Variants in ITCH observed in about 807,000 individuals in gnomAD.
The protein encoded by ITCH is itchy E3 ubiquitin protein ligase.
ITCH carries 28 observed loss-of-function variants against 126.8 expected under a neutral mutation model. That is an observed-to-expected ratio of 0.22 (90% CI 0.16 to 0.30). The LOEUF (loss-of-function observed/expected upper bound fraction) is 0.30. Ranked by LOEUF, ITCH falls within the 10% of genes least tolerant of loss-of-function variation. The pLI is 1.00. For missense variants in ITCH, 631 were observed against 1,032.4 expected (o/e 0.61, Z 5.33); for synonymous variants, 342 against 340.0 (o/e 1.01, Z -0.06).
intron 2 of ITCH, among the ~76,000 whole-genome samples, chr20:34,371,413 A>G (rs2037626080): frequency 6.9e-6 from 1 of 145,938 alleles, no homozygotes; most frequent in African/African-American, 2.6e-5. Flanking sequence ...AGTAGCTGGG[A>G]CTCGGGAGGC....
intron 22 of ITCH, among the ~76,000 whole-genome samples, chr20:34,491,063 CCAT>C (rs1298946336): frequency 6.6e-6 from 1 of 152,052 alleles, no homozygotes; most frequent in Non-Finnish European, 1.5e-5. Flanking sequence ...CACAACTTAC[CCAT>C]TGTAAAGTTG....
intron 11 of ITCH, among the ~76,000 whole-genome samples, chr20:34,447,024 C>T (rs1306906006): frequency 2.0e-5 from 3 of 152,096 alleles, no homozygotes; most frequent in Admixed American, 1.3e-4. Context: ...TTCATATTCA[C>T]CTCTGTATAT....
At chr20:34,484,940 CT>C (rs1324976744) in intron 20 of ITCH, among the ~76,000 whole-genome samples, 2 of 152,182 alleles carry the variant, frequency 1.3e-5, no homozygotes, top group African/African-American at 4.8e-5. Flanking sequence ...CAATGCACAC[CT>C]CCCTTCTCCC....
At position 34,511,164 on chromosome 20, in the gene ITCH, G is replaced by C. The variant is rs1207612366; in HGVS notation, c.*3370G>C. 2 of 151,790 alleles carry C rather than the reference G, an allele frequency of 1.3e-5. No individual in the cohort carries two copies. Among genetic ancestry groups the C allele is most frequent in the Non-Finnish European group, 2.9e-5 (2 of 67,950 alleles). The allele number at this position is 151,790 out of a possible 1,614,324, so 9.4% of individuals were successfully genotyped here. ...TGTTTTTCTTTTAGTTATTTACTTT[G>C]TTTGTATAATTTGCTTTCATTAACT... On this transcript the variant is annotated 3_prime_UTR_variant, in exon 25 of 25. Transcript: ENST00000374864.
chr20:34,477,252 C>T (rs1233815225), intron 16 of ITCH, among the ~76,000 whole-genome samples: 1 of 152,126 alleles, frequency 6.6e-6, no homozygotes, highest in Non-Finnish European at 1.5e-5. Context: ...AAATCACGGC[C>T]GGGCATGATG....
At chr20:34,459,867 A>G (rs1986349125) in intron 13 of ITCH, among the ~76,000 whole-genome samples, 1 of 152,236 alleles carries the variant, frequency 6.6e-6, no homozygotes, top group South Asian at 2.1e-4. Flanking sequence ...TTCAGTTTCC[A>G]TAAAGGAAGA....
At chr20:34,449,233 GT>G (rs199577227) in intron 11 of ITCH, among the ~76,000 whole-genome samples, 177 bp from the exon 12 acceptor site, 3 of 151,810 alleles carry the variant, frequency 2.0e-5, no homozygotes, top group South Asian at 2.1e-4. Flanking sequence ...GTTTGCACCG[GT>G]TTTTTTTAAA....
chr20:34,414,001 G>C (rs1222336670), intron 6 of ITCH, 122 bp downstream of exon 6: 1 of 841,668 alleles, frequency 1.2e-6, no homozygotes, highest in Non-Finnish European at 1.8e-6. Context: ...TTTTCTGGCC[G>C]GTGTGGTGGC....
chr20:34,446,237 C>T (rs140203308), intron 11 of ITCH, among the ~76,000 whole-genome samples: 4 of 152,162 alleles, frequency 2.6e-5, no homozygotes, highest in Non-Finnish European at 4.4e-5. Flanking sequence ...AGAACCTAAA[C>T]GAAGAAAATC....
At chr20:34,466,210 G>T in intron 14 of ITCH, 1 of 342,858 alleles carries the variant, frequency 2.9e-6, no homozygotes. Context: ...TGTTAATGTG[G>T]TATATTATGT....
chr20:34,437,524 C>T (rs1053506848), intron 7 of ITCH, among the ~76,000 whole-genome samples: 1 of 152,194 alleles, frequency 6.6e-6, no homozygotes, highest in Non-Finnish European at 1.5e-5. Context: ...CCAGGCTGAT[C>T]TGTCACTCCT....
chr20:34,445,828 G>A (rs1168981679), intron 11 of ITCH, among the ~76,000 whole-genome samples: 1 of 152,136 alleles, frequency 6.6e-6, no homozygotes, highest in Non-Finnish European at 1.5e-5. Context: ...CTCTAAAGTG[G>A]TTGTGCAAAA....
rs1465609545 is a variant in ITCH, at chr20:34,505,274, T to A, written c.2489+871T>A. Among the ~76,000 whole-genome samples the A allele has an allele frequency of 4.6e-5, 7 of 152,172 alleles. No individual in the cohort carries two copies. The East Asian group carries it at 1.4e-3, about 29-fold the overall frequency. ...GGTCAGGCCGGTCTCAAACTCCTGATCTCAGGTGATCCACCCACCTCGGCC... is the reference window on the plus strand; with the variant it reads ...GGTCAGGCCGGTCTCAAACTCCTGAACTCAGGTGATCCACCCACCTCGGCC... On this transcript the variant is annotated intron_variant, in intron 24 of 24. Coordinates refer to ENST00000374864, the MANE Select transcript of ITCH (RefSeq NM_031483.7).
chr20:34,427,473 C>T (rs1319515084), intron 7 of ITCH, among the ~76,000 whole-genome samples: 5 of 151,890 alleles, frequency 3.3e-5, no homozygotes, highest in African/African-American at 1.2e-4. Flanking sequence ...GTAGTTAGGC[C>T]TGGTGGCACG....
chr20:34,450,550 A>G (rs574926501), intron 12 of ITCH, among the ~76,000 whole-genome samples: 6 of 152,224 alleles, frequency 3.9e-5, no homozygotes, highest in Non-Finnish European at 7.3e-5. Context: ...TGTAATACTC[A>G]CAGCATTATA....
At chr20:34,370,885 G>A (rs1387162104) in intron 2 of ITCH, among the ~76,000 whole-genome samples, 1 of 151,976 alleles carries the variant, frequency 6.6e-6, no homozygotes, top group Non-Finnish European at 1.5e-5. Context: ...TAAGAAAGCT[G>A]AGGCTGGGCG....
chr20:34,491,891 T>C (rs1989542576), intron 22 of ITCH, among the ~76,000 whole-genome samples: 1 of 152,152 alleles, frequency 6.6e-6, no homozygotes, highest in African/African-American at 2.4e-5. Flanking sequence ...CAGAATTCTG[T>C]GAGTTTGATT....
At position 34,477,775 on chromosome 20, in the gene ITCH, A is replaced by G; in HGVS notation, c.1573A>G (p.Met525Val). 2 of 1,613,408 alleles carry G rather than the reference A, an allele frequency of 1.2e-6. No individual in the cohort carries two copies. Among genetic ancestry groups the G allele is most frequent in the Non-Finnish European group, 1.7e-6 (2 of 1,179,646 alleles). Residue 525 changes from methionine to valine, a missense_variant, in exon 17 of 25, where the codon ATG (methionine) becomes GTG (valine). Transcript: ENST00000374864. ...TLFEDSFQQI[M>V]SFSPQDLRRR... is the part of the protein sequence containing the mutation. ...ATTTTACTTTATTTTTTTTTAGATA[A>G]TGAGCTTCAGTCCCCAAGATCTGCG...
intron 12 of ITCH, among the ~76,000 whole-genome samples, chr20:34,450,114 G>A (rs1225242002): frequency 2.0e-5 from 3 of 152,076 alleles, no homozygotes; most frequent in East Asian, 3.8e-4. Context: ...AATGAATTCA[G>A]CTTTTAAACA....
Sources: gnomAD v4.1 joint callset for allele counts (sites outside exome capture counted in the v4.1 genomes callset) on GRCh38, gnomAD v4.1.1 for gene constraint, MANE v1.5 for transcripts, NCBI Gene and HGNC (gene_info 2026-07-23, HGNC 2026-07-21) for gene names.